Variants in ACACA observed in about 807,000 individuals in gnomAD.
The protein encoded by ACACA is acetyl-CoA carboxylase 1.
In ACACA, 103 loss-of-function variants were observed where a neutral mutation model predicts 296.1. The observed-to-expected ratio is 0.35, with a 90% CI of 0.30 to 0.41. The LOEUF (loss-of-function observed/expected upper bound fraction) is 0.41. Ranked by LOEUF, ACACA falls within the 10% of genes least tolerant of loss-of-function variation. The pLI is 1.00. For missense variants in ACACA, 1,554 were observed against 2,989.7 expected (o/e 0.52, Z 11.20); for synonymous variants, 953 against 1,038.6 (o/e 0.92, Z 1.58).
intron 1 of ACACA, among the ~76,000 whole-genome samples, chr17:37,403,775 T>C (rs829161): frequency 0.2 from 30,343 of 152,090 alleles, 3,466 homozygotes; most frequent in East Asian, 0.54. Flanking sequence ...TTGAATGCTA[T>C]GATTTTTGTT....
intron 1 of ACACA, among the ~76,000 whole-genome samples, chr17:37,375,486 CA>C (rs993632051): frequency 1.1e-4 from 16 of 144,008 alleles, no homozygotes; most frequent in South Asian, 4.4e-4. Context: ...GACTCTGCCT[CA>C]AAAAAAAAAG....
At position 37,393,281 on chromosome 17, in the gene ACACA, G is replaced by A. The variant is rs559802377; in HGVS notation, c.38+12981C>T. ...TATTTGCATCCTGCCACTGATCCAC[G>A]ATGTTGCCTCAAGTTTATTTTGCCA... On this transcript the variant is annotated intron_variant, in intron 1 of 55. Coordinates refer to ENST00000616317, the MANE Select transcript of ACACA (RefSeq NM_198834.3). Among the ~76,000 whole-genome samples the A allele has an allele frequency of 6.6e-5, 10 of 152,152 alleles. No individual in the cohort carries two copies. The South Asian group carries it at 1.7e-3, about 25-fold the overall frequency.
chr17:37,365,393 A>C, intron 1 of ACACA: 1 of 942,010 alleles, frequency 1.1e-6, no homozygotes, highest in Non-Finnish European at 1.3e-6. Context: ...AGGACTAGGT[A>C]TTTCTATTAG....
chr17:37,330,197 T>A lies in ACACA; in HGVS notation c.314A>T (p.Gln105Leu), dbSNP rs61743749. Residue 105 changes from glutamine to leucine, a missense_variant, in exon 3 of 56, where the codon CAG becomes CTG. By Grantham distance (113) the Gln-to-Leu change is moderately radical. Around this residue, in one of 16 missense-constraint regions of ACACA, gnomAD observed 140 missense variants for 147.7 expected, o/e 0.95. Coordinates refer to ENST00000616317, the MANE Select transcript of ACACA (RefSeq NM_198834.3). ...TLSDLGISSL[Q>L]DGLALHIRSS... ...CCTTATGTGCAAGGCCAAGCCATCC[T>A]GTAGGCTAGAGATCCCCAAATCAGA... The A allele has an allele frequency of 3.7e-4, 591 of 1,614,224 alleles. 4 individuals carry two copies. The African/African-American group carries it at 7.4e-3, about 20-fold the overall frequency.
intron 1 of ACACA, among the ~76,000 whole-genome samples, chr17:37,396,604 C>G (rs1390477993): frequency 6.6e-6 from 1 of 152,126 alleles, no homozygotes; most frequent in African/African-American, 2.4e-5. Flanking sequence ...ATTTTGGATG[C>G]TTTCTAATCA....
chr17:37,169,416 T>G (rs1311337382), intron 41 of ACACA, among the ~76,000 whole-genome samples: 11 of 152,210 alleles, frequency 7.2e-5, no homozygotes, highest in Admixed American at 7.2e-4. Flanking sequence ...CCTCTGCCCT[T>G]GTTAGATTTA....
At chr17:37,088,747 G>A (rs1159505609) in intron 55 of ACACA, among the ~76,000 whole-genome samples, 191 bp downstream of exon 55, 2 of 152,194 alleles carry the variant, frequency 1.3e-5, no homozygotes, top group African/African-American at 2.4e-5. Flanking sequence ...GTGCCCCTGG[G>A]GAGCAGTAGC....
chr17:37,268,733 C>CTATATA (rs1402309165), intron 10 of ACACA, among the ~76,000 whole-genome samples: 37 of 70,814 alleles, frequency 5.2e-4, no homozygotes, highest in African/African-American at 2.0e-3. Context: ...ATCTATCTAT[C>CTATATA]TATCTATCTA....
At chr17:37,161,628 G>A (rs557516734) in intron 42 of ACACA, 153 bp downstream of exon 42, 2 of 878,940 alleles carry the variant, frequency 2.3e-6, no homozygotes, top group Middle Eastern at 3.5e-4. Context: ...TTAATATGGT[G>A]TCTTAAGGAA....
chr17:37,182,644 A>C (rs897549001), intron 39 of ACACA, among the ~76,000 whole-genome samples: 5 of 152,240 alleles, frequency 3.3e-5, no homozygotes, highest in Non-Finnish European at 5.9e-5. Flanking sequence ...ATAAAATATA[A>C]ATTCCCAGTG....
intron 1 of ACACA, among the ~76,000 whole-genome samples, chr17:37,404,869 C>T (rs2051415145): frequency 6.6e-6 from 1 of 152,126 alleles, no homozygotes; most frequent in South Asian, 2.1e-4. Context: ...TGAGCCACCG[C>T]TCCCAGCCCA....
chr17:37,262,754 G>A (rs2081572563), intron 11 of ACACA, among the ~76,000 whole-genome samples: 2 of 151,942 alleles, frequency 1.3e-5, no homozygotes, highest in South Asian at 4.2e-4. Context: ...TTTTGAGATG[G>A]GGTCTTGCTC....
At position 37,385,700 on chromosome 17, in the gene ACACA, T is replaced by C. The variant is rs565108670; in HGVS notation, c.38+20562A>G. Among the ~76,000 whole-genome samples, 5 of 152,316 alleles carry C rather than the reference T, an allele frequency of 3.3e-5. No homozygotes were observed. In the East Asian group the frequency reaches 7.7e-4, roughly 23 times the overall value. On this transcript the variant is annotated intron_variant, in intron 1 of 55. Coordinates refer to ENST00000616317, the MANE Select transcript of ACACA (RefSeq NM_198834.3). ...AGAAGGAAACTGTCAACAGTTTTTA[T>C]GGCCTTCATCTTTATTATTATTATG...
chr17:37,387,317 A>G (rs1247399658), intron 1 of ACACA: 1 of 150,376 alleles, frequency 6.6e-6, no homozygotes, highest in Non-Finnish European at 1.5e-5. Flanking sequence ...ACAGGGTTTC[A>G]CTATGTTTGC....
chr17:37,280,419 C>G (rs1403313601), intron 5 of ACACA, among the ~76,000 whole-genome samples: 1 of 152,100 alleles, frequency 6.6e-6, no homozygotes, highest in African/African-American at 2.4e-5. Flanking sequence ...ATGGTCCAGG[C>G]TGACCTTGAA....
chr17:37,274,079 C>A (rs538154544), intron 9 of ACACA, 114 bp downstream of exon 9: 2 of 864,844 alleles, frequency 2.3e-6, no homozygotes, highest in Non-Finnish European at 4.0e-6. Context: ...ACCTCCTGGT[C>A]TTACATCCCT....
intron 45 of ACACA, among the ~76,000 whole-genome samples, chr17:37,137,597 T>G (rs1007657037): frequency 1.3e-5 from 2 of 152,182 alleles, no homozygotes; most frequent in Admixed American, 6.5e-5. Flanking sequence ...GATTAGTATG[T>G]TCAGCAAGTT....
chr17:37,337,415 CAAAAA>C (rs71159702), intron 2 of ACACA, among the ~76,000 whole-genome samples: 1 of 94,320 alleles, frequency 1.1e-5, no homozygotes. Context: ...GACCCTGTCT[CAAAAA>C]AAAAAAAAAA....
At chr17:37,399,140 C>T (rs898940701) in intron 1 of ACACA, among the ~76,000 whole-genome samples, 13 of 151,198 alleles carry the variant, frequency 8.6e-5, no homozygotes, top group Admixed American at 2.0e-4. Context: ...CCACCATGCC[C>T]GGCTAATTTT....
Sources: gnomAD v4.1 joint callset for allele counts (sites outside exome capture counted in the v4.1 genomes callset) on GRCh38, gnomAD v4.1.1 for gene constraint, gnomAD v4.1.1 regional missense constraint, MANE v1.5 for transcripts, NCBI Gene and HGNC (gene_info 2026-07-23, HGNC 2026-07-21) for gene names.